Variants in RXRG observed in about 807,000 individuals in gnomAD.
RXRG encodes retinoic acid receptor RXR-gamma.
In RXRG, 19 loss-of-function variants were observed where a neutral mutation model predicts 49.2. The observed-to-expected ratio is 0.39, with a 90% confidence interval of 0.27 to 0.57. The LOEUF is 0.57. Ranked by LOEUF, RXRG falls within the 20% of genes least tolerant of loss-of-function variation. The probability of loss-of-function intolerance (pLI) is 0.64; values close to 1 mark genes in which losing one functional copy is unlikely to be tolerated. For missense variants in RXRG, 452 were observed against 592.5 expected, an observed-to-expected ratio of 0.76 and a Z score of 2.46; for synonymous variants, 224 against 216.6, an observed-to-expected ratio of 1.03 and a Z score of -0.30.
intron 4 of RXRG, 72 bp from the exon 5 acceptor site, chr1:165,411,181 T>G: frequency 2.8e-6 from 4 of 1,445,842 alleles, no homozygotes; most frequent in Non-Finnish European, 3.8e-6. Flanking sequence ...ATTACCCACA[T>G]GAGCCTCAAT....
chr1:165,410,925 A>G (rs745678201), intron 5 of RXRG, 24 bp downstream of exon 5: 4 of 1,613,750 alleles, frequency 2.5e-6, no homozygotes, highest in Non-Finnish European at 3.4e-6. Context: ...AATGGAACAC[A>G]CATGTGTGTC....
chr1:165,407,218 G>A (rs899801055), intron 8 of RXRG, among the ~76,000 whole-genome samples: 2 of 152,140 alleles, frequency 1.3e-5, no homozygotes, highest in East Asian at 1.9e-4. Flanking sequence ...CACATTTACC[G>A]AGTGCCTATT....
At chr1:165,407,028 A>T in intron 8 of RXRG, 111 bp from the exon 9 acceptor site, 1 of 706,478 alleles carries the variant, frequency 1.4e-6, no homozygotes, top group South Asian at 1.8e-5. Flanking sequence ...GGATGGGGAC[A>T]AGTGTGAAAT....
At chr1:165,444,779 T>C (rs1385400639) in intron 1 of RXRG, 66 bp downstream of exon 1, 15 of 1,351,992 alleles carry the variant, frequency 1.1e-5, no homozygotes, top group East Asian at 2.3e-5. Flanking sequence ...CAGTCATTCG[T>C]ATTTCCCAAT....
At chr1:165,415,738 G>A (rs957007804) in intron 4 of RXRG, among the ~76,000 whole-genome samples, 13 of 152,188 alleles carry the variant, frequency 8.5e-5, no homozygotes, top group Admixed American at 2.6e-4. Context: ...TGAGGAACAG[G>A]CTGGGGTGTG....
intron 3 of RXRG, among the ~76,000 whole-genome samples, chr1:165,418,086 G>C (rs535485715): frequency 7.7e-6 from 1 of 130,100 alleles, no homozygotes; most frequent in African/African-American, 3.0e-5. Flanking sequence ...ACTCTAGCCT[G>C]AGTGACAGAG....
At chr1:165,434,011 G>T (rs1400240873) in intron 1 of RXRG, among the ~76,000 whole-genome samples, 1 of 152,186 alleles carries the variant, frequency 6.6e-6, no homozygotes, top group Non-Finnish European at 1.5e-5. Context: ...AGAGTTCTAG[G>T]TTGAGGTTCT....
chr1:165,408,434 G>T, intron 7 of RXRG, 116 bp from the exon 8 acceptor site: 1 of 711,328 alleles, frequency 1.4e-6, no homozygotes, highest in Non-Finnish European at 2.6e-6. Flanking sequence ...TGATGTACCA[G>T]TTACTAGGGG....
At chr1:165,402,927 G>A (rs3767332) in intron 9 of RXRG, among the ~76,000 whole-genome samples, 42,212 of 146,336 alleles carry the variant, frequency 0.29, 6,174 homozygotes, top group African/African-American at 0.41. Flanking sequence ...TCACATACAT[G>A]CACATGCACA....
intron 2 of RXRG, chr1:165,424,919 C>T (rs1658436916): frequency 1.0e-6 from 1 of 985,458 alleles, no homozygotes; most frequent in Admixed American, 6.1e-5. Flanking sequence ...GTTAACCGAG[C>T]AAAGCATTGC....
chr1:165,437,186 G>A (rs1315371650), intron 1 of RXRG: 3 of 1,367,644 alleles, frequency 2.2e-6, no homozygotes, highest in African/African-American at 3.0e-5. Context: ...AAGTTGGAGA[G>A]CAGGGGAAGA....
intron 1 of RXRG, among the ~76,000 whole-genome samples, chr1:165,437,625 T>A (rs1658855334): frequency 6.6e-6 from 1 of 152,060 alleles, no homozygotes; most frequent in Admixed American, 6.5e-5. Flanking sequence ...ATTCAAGAGC[T>A]GGGTGTGCAC....
chr1:165,419,782 C>G lies in RXRG; in HGVS notation c.442+88G>C. 4.1e-6 allele frequency: 5 copies of G among 1,227,088 alleles called. No homozygotes were observed. In the Admixed American group the frequency reaches 1.4e-4, roughly 33 times the overall value. 76.0% of individuals were successfully genotyped at this position (1,227,088 alleles called of 1,614,324 possible). On this transcript the variant is annotated intron_variant, in intron 3 of 9. Coordinates refer to ENST00000359842, the MANE Select transcript of RXRG (RefSeq NM_006917.5). The stretch of plus-strand genomic sequence containing the variant: ...TTAGCCCATCCTAAAGGGCCATTTT[C>G]CTTTCATTGAGTACAAAGTATCCAG...
At chr1:165,418,244 A>G (rs157868) in intron 3 of RXRG, among the ~76,000 whole-genome samples, 138,731 of 152,050 alleles carry the variant, frequency 0.91, 63,718 homozygotes, top group Non-Finnish European at 0.94. Flanking sequence ...TGGCTAATTT[A>G]GGTCAGGAGA....
intron 1 of RXRG, among the ~76,000 whole-genome samples, chr1:165,434,577 T>C (rs1658772425): frequency 6.6e-6 from 1 of 152,174 alleles, no homozygotes; most frequent in African/African-American, 2.4e-5. Context: ...TAATGAATCA[T>C]TGATAACGGC....
intron 1 of RXRG, among the ~76,000 whole-genome samples, chr1:165,431,957 A>T (rs1658686451): frequency 6.6e-6 from 1 of 152,254 alleles, no homozygotes; most frequent in Non-Finnish European, 1.5e-5. Flanking sequence ...GCTTTCTTAA[A>T]ACAGTAAATT....
At chr1:165,441,490 T>C (rs1293753546) in intron 1 of RXRG, among the ~76,000 whole-genome samples, 1 of 152,240 alleles carries the variant, frequency 6.6e-6, no homozygotes, top group South Asian at 2.1e-4. Context: ...CTATAAGACC[T>C]TAAGCAAGTT....
At chr1:165,444,476 A>G (rs1242054252) in intron 1 of RXRG, among the ~76,000 whole-genome samples, 1 of 152,220 alleles carries the variant, frequency 6.6e-6, no homozygotes, top group Non-Finnish European at 1.5e-5. Context: ...TAATAGGAAC[A>G]TCATAGTAAT....
intron 1 of RXRG, among the ~76,000 whole-genome samples, chr1:165,441,825 G>A (rs1051016166): frequency 3.3e-5 from 5 of 152,178 alleles, no homozygotes; most frequent in African/African-American, 1.2e-4. Context: ...GCAAACCCTG[G>A]ACTTGGCAGA....
Sources: allele counts gnomAD v4.1 joint callset (sites outside exome capture counted in the v4.1 genomes callset), GRCh38; gene constraint gnomAD v4.1.1; transcripts MANE v1.5; gene names NCBI Gene and HGNC (gene_info 2026-07-23, HGNC 2026-07-21).